Variants in ADGRL3 observed in about 807,000 individuals in gnomAD.
The protein encoded by ADGRL3 is calcium-independent alpha-latrotoxin receptor 3.
ADGRL3 carries 62 observed loss-of-function variants against 153.5 expected under a neutral mutation model. That is an observed-to-expected ratio of 0.40 (90% CI 0.33 to 0.50). The LOEUF is 0.50. ADGRL3 is among the 20% of genes least tolerant of loss of function. The pLI is 0.47. For missense variants in ADGRL3, 1,641 were observed against 1,859.4 expected (o/e 0.88, Z 2.16); for synonymous variants, 710 against 672.5 (o/e 1.06, Z -0.86).
At chr4:61,541,587 C>T (rs2098690366) in intron 4 of ADGRL3, among the ~76,000 whole-genome samples, 1 of 151,896 alleles carries the variant, frequency 6.6e-6, no homozygotes, top group South Asian at 2.1e-4. Flanking sequence ...TCATTATGAC[C>T]AGAAAGTTGC....
chr4:61,573,056 A>G (rs750770893), intron 4 of ADGRL3, among the ~76,000 whole-genome samples: 10 of 152,048 alleles, frequency 6.6e-5, no homozygotes, highest in Non-Finnish European at 1.2e-4. Flanking sequence ...ACAGTTACTT[A>G]TTAGCACAGA....
chr4:61,501,154 C>A (rs929546937), intron 3 of ADGRL3, among the ~76,000 whole-genome samples: 1 of 152,240 alleles, frequency 6.6e-6, no homozygotes, highest in Middle Eastern at 3.4e-3. Context: ...TATCTGTCAA[C>A]TGGTTAATAA....
intron 2 of ADGRL3, 138 bp from the exon 3 acceptor site, chr4:61,496,983 G>A (rs1233085795): frequency 3.6e-6 from 1 of 279,572 alleles, no homozygotes. Flanking sequence ...AATTTGCTCA[G>A]TAGAGACTGA....
chr4:61,530,733 T>C (rs918609019), intron 4 of ADGRL3, among the ~76,000 whole-genome samples: 1 of 152,206 alleles, frequency 6.6e-6, no homozygotes, highest in African/African-American at 2.4e-5. Flanking sequence ...ATTAAGTGAC[T>C]TGAGCTGATG....
chr4:61,486,202 C>T (rs2098191817), intron 2 of ADGRL3, among the ~76,000 whole-genome samples: 1 of 152,048 alleles, frequency 6.6e-6, no homozygotes, highest in Non-Finnish European at 1.5e-5. Flanking sequence ...CCTCGGCCTC[C>T]CAAAGTGCTG....
chr4:61,533,552 G>A (rs1198301061), intron 4 of ADGRL3, among the ~76,000 whole-genome samples: 2 of 152,008 alleles, frequency 1.3e-5, no homozygotes, highest in African/African-American at 4.8e-5. Context: ...ATAAACCATT[G>A]AATAAAATCT....
chr4:61,778,730 A>T (rs2097180859), intron 8 of ADGRL3, among the ~76,000 whole-genome samples: 1 of 152,204 alleles, frequency 6.6e-6, no homozygotes, highest in Non-Finnish European at 1.5e-5. Context: ...GAGAAGCACT[A>T]CTGATGGTCA....
At chr4:61,292,924 C>A (rs2094277399) in intron 1 of ADGRL3, among the ~76,000 whole-genome samples, 1 of 152,068 alleles carries the variant, frequency 6.6e-6, no homozygotes, top group African/African-American at 2.4e-5. Flanking sequence ...ATCTTCTGAG[C>A]TGTAATTTCC....
intron 2 of ADGRL3, among the ~76,000 whole-genome samples, chr4:61,430,393 T>G (rs1048193590): frequency 1.3e-5 from 2 of 152,154 alleles, no homozygotes; most frequent in Non-Finnish European, 2.9e-5. Flanking sequence ...CTAAAAGGAT[T>G]GGTATAGAGA....
chr4:61,545,855 T>C (rs147592935), intron 4 of ADGRL3, among the ~76,000 whole-genome samples: 1 of 149,878 alleles, frequency 6.7e-6, no homozygotes, highest in East Asian at 2.0e-4. Context: ...GTTTGAAGTT[T>C]CAAAAATCTT....
chr4:61,728,544 GAAGTT>G (rs1162838017), intron 6 of ADGRL3, among the ~76,000 whole-genome samples: 4 of 152,002 alleles, frequency 2.6e-5, no homozygotes, highest in Non-Finnish European at 5.9e-5. Flanking sequence ...AACTCACAAA[GAAGTT>G]AAGATATTTC....
intron 8 of ADGRL3, among the ~76,000 whole-genome samples, chr4:61,738,476 A>T (rs887447354): frequency 1.3e-5 from 2 of 152,096 alleles, no homozygotes; most frequent in African/African-American, 4.8e-5. Flanking sequence ...TTCTACTTTT[A>T]GTTCTTTAAG....
chr4:61,476,730 A>G (rs897347109), intron 2 of ADGRL3, among the ~76,000 whole-genome samples: 1 of 148,372 alleles, frequency 6.7e-6, no homozygotes, highest in Non-Finnish European at 1.5e-5. Flanking sequence ...AAAAAAAAAA[A>G]AAAAAAAACA....
At chr4:61,658,737 C>A (rs2094510163) in intron 5 of ADGRL3, among the ~76,000 whole-genome samples, 1 of 152,036 alleles carries the variant, frequency 6.6e-6, no homozygotes, top group Admixed American at 6.6e-5. Context: ...TATCTGCCTG[C>A]CATGCCTTTT....
chr4:61,879,617 T>C (rs2098497407), intron 9 of ADGRL3, among the ~76,000 whole-genome samples: 1 of 152,188 alleles, frequency 6.6e-6, no homozygotes, highest in Non-Finnish European at 1.5e-5. Context: ...TTAGGGATGC[T>C]TCACATGCAC....
intron 8 of ADGRL3, among the ~76,000 whole-genome samples, chr4:61,793,703 C>T (rs2097371999): frequency 6.6e-6 from 1 of 152,128 alleles, no homozygotes; most frequent in African/African-American, 2.4e-5. Flanking sequence ...TCAGCCTACC[C>T]TCCAGACAGC....
intron 8 of ADGRL3, among the ~76,000 whole-genome samples, chr4:61,760,056 C>T (rs1487202197): frequency 6.6e-6 from 1 of 152,172 alleles, no homozygotes; most frequent in African/African-American, 2.4e-5. Flanking sequence ...GAGTACCCAG[C>T]CGTGTGAGGT....
intron 2 of ADGRL3, among the ~76,000 whole-genome samples, chr4:61,429,889 T>G (rs2097334361): frequency 6.6e-6 from 1 of 152,132 alleles, no homozygotes; most frequent in African/African-American, 2.4e-5. Context: ...GATGTCATAA[T>G]AAAATAGGTA....
intron 8 of ADGRL3, among the ~76,000 whole-genome samples, chr4:61,807,739 G>T (rs1224518342): frequency 2.0e-5 from 3 of 152,096 alleles, no homozygotes; most frequent in African/African-American, 7.2e-5. Flanking sequence ...ATATTTTAGA[G>T]ATGCATTCTC....
Sources: gnomAD v4.1 joint callset for allele counts (sites outside exome capture counted in the v4.1 genomes callset) on GRCh38, gnomAD v4.1.1 for gene constraint, MANE v1.5 for transcripts, NCBI Gene and HGNC (gene_info 2026-07-23, HGNC 2026-07-21) for gene names.